The following AQP3 variants were observed in gnomAD, a reference collection of about 807,000 sequenced individuals.
The protein encoded by AQP3 is aquaporin 3 (Gill blood group).
A neutral mutation model predicts 30.3 loss-of-function variants in AQP3; 15 were observed. The observed-to-expected ratio is 0.49, with a 90% CI of 0.33 to 0.76. The LOEUF is 0.76. Among genes scored for constraint, AQP3 ranks in the 30% least tolerant of loss-of-function variants. The pLI, the probability that AQP3 is intolerant of heterozygous loss-of-function variation, is 0.02. For missense variants in AQP3, 272 were observed against 384.8 expected, an observed-to-expected ratio of 0.71 and a Z score of 2.45; for synonymous variants, 153 against 163.2, an observed-to-expected ratio of 0.94 and a Z score of 0.47.
In AQP3 at chr9:33,446,813, G is replaced by C. The variant is rs190674819; in HGVS notation, c.108+610C>G. 1.8e-4 allele frequency among the ~76,000 whole-genome samples: 28 copies of C among 152,222 alleles called. No homozygotes were observed. The East Asian group carries it at 4.6e-3, about 25-fold the overall frequency. ...GCACCAGGTGAGCAACTTTAGACAC[G>C]CGTCCTCTGTGCCTGGGCCTAGCTT... On this transcript the variant is annotated intron_variant, in intron 1 of 5. Coordinates refer to ENST00000297991, the MANE Select transcript of AQP3 (RefSeq NM_004925.5).
Position 33,443,354 on chromosome 9 carries a change from A to G in AQP3, c.340T>C (p.Leu114=). ...AGCCCAAAAACTATTCCAGCACCCAAGAAGGCTCCCAGCGTCTGTGCCAGG... is the reference window on the plus strand; with the variant it reads ...AGCCCAAAAACTATTCCAGCACCCAGGAAGGCTCCCAGCGTCTGTGCCAGG... ...YTLAQTLGAF[L]GAGIVFGLYY... The change falls in exon 3 of 6, where the codon TTG becomes CTG. Residue 114 remains leucine, a synonymous_variant. Coordinates refer to ENST00000297991, the MANE Select transcript of AQP3 (RefSeq NM_004925.5). This position sits in a 1 kb window ranked among gnomAD's most constrained non-coding sequence, Gnocchi z 5.0. The G allele has an allele frequency of 3.1e-6, 5 of 1,592,762 alleles. No individual in the cohort carries two copies. Among genetic ancestry groups the G allele is most frequent in the Non-Finnish European group, 3.4e-6 (4 of 1,169,608 alleles).
Position 33,443,170 on chromosome 9 carries a change from G to A in AQP3, c.373+151C>T. 1 of 1,266,128 alleles carries A rather than the reference G, an allele frequency of 7.9e-7. No individual in the cohort carries two copies. The highest frequency in any genetic ancestry group is 1.1e-6 in the Non-Finnish European group (1 of 897,182). 78.4% of individuals were successfully genotyped at this position (1,266,128 alleles called of 1,614,324 possible). ...GCCCAACTTGTTTCTTTCCCTTCGT[G>A]CCCCCTACCTTGACCCTGTGCGTGA... On this transcript the variant is annotated intron_variant, in intron 3 of 5. Coordinates refer to ENST00000297991, the MANE Select transcript of AQP3 (RefSeq NM_004925.5). This position sits in a 1 kb window ranked among gnomAD's most constrained non-coding sequence, Gnocchi z 5.0.
rs1460955144 is a variant in AQP3 at position 33,443,754 on chromosome 9, T to C, written c.235+12A>G. ...TGAGGGCCAAGGGCTGGGGGCAGGG[T>C]TAAGGCCTTACCAGAGACCTGGCCA... On this transcript the variant is annotated intron_variant, in intron 2 of 5. Transcript: ENST00000297991. The surrounding 1 kb of genome is among the most constrained non-coding windows in gnomAD (Gnocchi z 5.0). 1.9e-6 allele frequency: 3 copies of C among 1,613,710 alleles called. No homozygotes were observed. The highest frequency in any genetic ancestry group is 2.5e-6 in the Non-Finnish European group (3 of 1,179,902).
At position 33,441,710 on chromosome 9, in the gene AQP3, C is replaced by CA. The variant is rs1826834521; in HGVS notation, c.*332_*333insT. Reference sequence around the variant, plus strand: ...TTGCCCTGAATATCTGGGAACCCCCCCCACACACACACACCCCTGCACACA... The same window carrying CA: ...TTGCCCTGAATATCTGGGAACCCCCCACCACACACACACACCCCTGCACACA... On this transcript the variant is annotated 3_prime_UTR_variant, in exon 6 of 6. Transcript: ENST00000297991. 2.4e-6 allele frequency: 1 copy of CA among 419,804 alleles called. No homozygotes were observed. Among genetic ancestry groups the CA allele is most frequent in the Admixed American group, 4.1e-5 (1 of 24,194 alleles). The allele number at this position is 419,804 out of a possible 1,614,324, so 26.0% of individuals were successfully genotyped here. A position where few individuals can be genotyped will look rare whatever the true frequency, so the allele number is the denominator to read the frequency against.
chr9:33,444,615 AG>A (rs1779361474), intron 1 of AQP3, among the ~76,000 whole-genome samples: 3 of 146,604 alleles, frequency 2.0e-5, no homozygotes, highest in African/African-American at 7.4e-5. Flanking sequence ...AAAAAAAAAA[AG>A]AGTTGAAAAG....
Position 33,443,955 on chromosome 9 carries a change from G to T in AQP3, c.109-63C>A. ...AGCAACTCTCACTCCAGAAGGAAGG[G>T]GTGAAGCCAGCAACATGCCCACTCG... On this transcript the variant is annotated intron_variant, in intron 1 of 5. Transcript: ENST00000297991. This position sits in a 1 kb window ranked among gnomAD's most constrained non-coding sequence, Gnocchi z 5.0. 1 of 1,580,676 alleles carries T rather than the reference G, an allele frequency of 6.3e-7. No individual in the cohort carries two copies.
In AQP3 at chr9:33,443,952, AG is replaced by A; in HGVS notation, c.109-61del. ...ACCAGCAACTCTCACTCCAGAAGGA[AG>A]GGGTGAAGCCAGCAACATGCCCACT... On this transcript the variant is annotated intron_variant, in intron 1 of 5. Transcript: ENST00000297991. The surrounding 1 kb of genome is among the most constrained non-coding windows in gnomAD (Gnocchi z 5.0). 2 of 1,589,122 alleles carry A rather than the reference AG, an allele frequency of 1.3e-6. No individual in the cohort carries two copies. The highest frequency in any genetic ancestry group is 1.7e-6 in the Non-Finnish European group (2 of 1,165,102).
intron 4 of AQP3, 81 bp from the exon 5 acceptor site, chr9:33,442,599 G>T: frequency 7.1e-7 from 1 of 1,405,706 alleles, no homozygotes; most frequent in Non-Finnish European, 9.8e-7. Context: ...CTTCCCTCTA[G>T]CTCTTAAACT....
In AQP3 at chr9:33,442,349, C is replaced by A; in HGVS notation, c.662G>T (p.Gly221Val). 1 of 1,612,756 alleles carries A rather than the reference C, an allele frequency of 6.2e-7. No homozygotes were observed. Among genetic ancestry groups the A allele is most frequent in the Non-Finnish European group, 8.5e-7 (1 of 1,179,578 alleles). The change falls in exon 5 of 6, where the codon GGC (glycine) becomes GTC (valine). Residue 221 changes from glycine to valine, a missense_variant. By Grantham distance (109) the Gly-to-Val change is moderately radical. This residue lies in a region of AQP3 where 170 missense variants were observed against 286.4 expected (regional missense o/e 0.59). Coordinates refer to ENST00000297991, the MANE Select transcript of AQP3 (RefSeq NM_004925.5). The stretch of plus-strand genomic sequence containing the variant: ...CGCAAGGGCTGTAAAAAGGCGGGGG[C>A]CAAAGTCCCGGGCAGGGTTGACGGC... ...GYAVNPARDFGPRLFTALAGW... is the reference protein window; with the variant it reads ...GYAVNPARDFVPRLFTALAGW...
In AQP3 at chr9:33,441,667, TC is replaced by T. The variant is rs1228183603; in HGVS notation, c.*375del. ...CTCTGGGCTCCCCCAATAGCCAGAA[TC>T]CCTTCCGACTGGTCCCTTGCCCTGA... is the stretch of plus-strand genomic sequence containing the variant. On this transcript the variant is annotated 3_prime_UTR_variant, in exon 6 of 6. Coordinates refer to ENST00000297991, the MANE Select transcript of AQP3 (RefSeq NM_004925.5). 1.2e-5 allele frequency: 5 copies of T among 404,788 alleles called. No homozygotes were observed. In the South Asian group the frequency reaches 4.0e-4, roughly 32 times the overall value. The allele number at this position is 404,788 out of a possible 1,614,324, so 25.1% of individuals were successfully genotyped here.
chr9:33,447,101 T>G (rs1826924005), intron 1 of AQP3, among the ~76,000 whole-genome samples: 1 of 152,302 alleles, frequency 6.6e-6, no homozygotes, highest in Admixed American at 6.5e-5. Flanking sequence ...GCAGGGGAAG[T>G]GGCTGGCTGT....
intron 1 of AQP3, 107 bp downstream of exon 1, chr9:33,447,316 G>C: frequency 1.0e-6 from 1 of 983,006 alleles, no homozygotes; most frequent in South Asian, 1.4e-5. Context: ...CACAGCTGGG[G>C]AGGTGGGTCC....
rs1463338770 is a variant in AQP3 at position 33,443,068 on chromosome 9, A to G, written c.374-98T>C. On this transcript the variant is annotated intron_variant, in intron 3 of 5. Transcript: ENST00000297991. This position sits in a 1 kb window ranked among gnomAD's most constrained non-coding sequence, Gnocchi z 5.0. ...CCCCACCCTCCCATGAGTTATGGGT[A>G]AGTAGCAATACTGCTGTATTGCAGC... is the stretch of plus-strand genomic sequence containing the variant. The G allele has an allele frequency of 2.5e-5, 30 of 1,213,408 alleles. 2 individuals are homozygous for G. The South Asian group carries it at 3.4e-4, about 14-fold the overall frequency. The allele number at this position is 1,213,408 out of a possible 1,614,324, so 75.2% of individuals were successfully genotyped here.
In AQP3 at chr9:33,443,520, C is replaced by G; in HGVS notation, c.236-62G>C. ...CTGCCACAGTCGGCAGGCTAGGGTC[C>G]CCTGAGAAGGGGTGCAGAGAGGGGT... is the stretch of plus-strand genomic sequence containing the variant. On this transcript the variant is annotated intron_variant, in intron 2 of 5. Transcript: ENST00000297991. This position sits in a 1 kb window ranked among gnomAD's most constrained non-coding sequence, Gnocchi z 5.0. The G allele has an allele frequency of 6.3e-7, 1 of 1,582,456 alleles. No homozygotes were observed. The highest frequency in any genetic ancestry group is 8.6e-7 in the Non-Finnish European group (1 of 1,163,586).
Position 33,442,075 on chromosome 9 carries a change from G to T in AQP3, c.847C>A (p.Leu283Met), listed in dbSNP as rs1290543883. 1 of 1,613,872 alleles carries T rather than the reference G, an allele frequency of 6.2e-7. No individual in the cohort carries two copies. The highest frequency in any genetic ancestry group is 1.3e-5 in the African/African-American group (1 of 74,938). ...PPSNEEENVK[L>M]AHVKHKEQI Reference sequence around the variant, plus strand: ...TGCTCCTTGTGCTTCACATGGGCCAGCTTCACATTCTCTTCCTCGTTGGAG... The same window carrying T: ...TGCTCCTTGTGCTTCACATGGGCCATCTTCACATTCTCTTCCTCGTTGGAG... Residue 283 changes from leucine (L) to methionine (M), a missense_variant, in exon 6 of 6, where the codon CTG becomes ATG. Physicochemically the swap from Leu to Met is conservative, Grantham distance 15 (BLOSUM62 2). Coordinates refer to ENST00000297991, the MANE Select transcript of AQP3 (RefSeq NM_004925.5).
At position 33,447,450 on chromosome 9, in the gene AQP3, G is replaced by A. The variant is rs745553543; in HGVS notation, c.81C>T (p.Ala27=). ...CCAGGATGAGGGTCCCCAGGCACTC[G>A]GCCAGCGCCTGTCGGAGCAGCCGGT... is the stretch of plus-strand genomic sequence containing the variant. ...IRYRLLRQAL[A]ECLGTLILVM... is the part of the protein sequence containing the mutation. The change falls in exon 1 of 6, where the codon GCC becomes GCT. Residue 27 remains alanine (A), a synonymous_variant. Coordinates refer to ENST00000297991, the MANE Select transcript of AQP3 (RefSeq NM_004925.5). The A allele has an allele frequency of 1.2e-6, 2 of 1,607,184 alleles. No homozygotes were observed. Among genetic ancestry groups the A allele is most frequent in the Non-Finnish European group, 1.7e-6 (2 of 1,177,474 alleles).
rs1458520463 is a variant in AQP3 at position 33,442,974 on chromosome 9, G to A, written c.374-4C>T. On this transcript the variant is annotated splice_polypyrimidine_tract_variant and splice_region_variant and intron_variant, in intron 3 of 5. Transcript: ENST00000297991. ...TCGGCGAAGTGCCAGATTGCATCTG[G>A]TGACAGATTAGACACACAGTGAGTC... 3.1e-6 allele frequency: 5 copies of A among 1,613,084 alleles called. No individual in the cohort carries two copies. Among genetic ancestry groups the A allele is most frequent in the Non-Finnish European group, 4.2e-6 (5 of 1,178,994 alleles).
chr9:33,442,587 G>T, intron 4 of AQP3, 69 bp from the exon 5 acceptor site: 1 of 1,451,210 alleles, frequency 6.9e-7, no homozygotes, highest in Non-Finnish European at 9.5e-7. Context: ...TCCATCCCCC[G>T]TCTTCCCTCT....
intron 1 of AQP3, among the ~76,000 whole-genome samples, chr9:33,445,831 G>A (rs1334697499): frequency 6.6e-6 from 1 of 152,214 alleles, no homozygotes; most frequent in Non-Finnish European, 1.5e-5. Context: ...AGGCAGGCAG[G>A]CACTCACCCA....
Sources: allele counts gnomAD v4.1 joint callset (sites outside exome capture counted in the v4.1 genomes callset), GRCh38; gene constraint gnomAD v4.1.1; regional missense constraint gnomAD v4.1.1; non-coding constraint Gnocchi (gnomAD v3.1); transcripts MANE v1.5; gene names NCBI Gene and HGNC (gene_info 2026-07-23, HGNC 2026-07-21).